ARHGAP26: variants seen among roughly 807,000 people sequenced by gnomAD.
ARHGAP26 encodes the protein Rho GTPase activating protein 26.
A neutral mutation model predicts 104.8 loss-of-function variants in ARHGAP26; 38 were observed. That is an observed-to-expected ratio of 0.36 (90% CI 0.28 to 0.48). The LOEUF (loss-of-function observed/expected upper bound fraction) is 0.48. Among genes scored for constraint, ARHGAP26 ranks in the 20% least tolerant of loss-of-function variants. ARHGAP26 has a pLI of 0.99. For missense variants in ARHGAP26, 704 were observed against 947.9 expected, an observed-to-expected ratio of 0.74 and a Z score of 3.38; for synonymous variants, 341 against 340.0, an observed-to-expected ratio of 1.00 and a Z score of -0.03.
chr5:142,964,032 A>T (rs1240070847), intron 11 of ARHGAP26, among the ~76,000 whole-genome samples: 1 of 152,226 alleles, frequency 6.6e-6, no homozygotes, highest in Non-Finnish European at 1.5e-5. Context: ...AGCAAAGCTG[A>T]AATTATGGTA....
chr5:143,107,430 T>C (rs1451426216), intron 17 of ARHGAP26, among the ~76,000 whole-genome samples: 4 of 152,172 alleles, frequency 2.6e-5, no homozygotes, highest in Non-Finnish European at 5.9e-5. Context: ...CATCATTCTG[T>C]CCTTGAAGTG....
intron 11 of ARHGAP26, among the ~76,000 whole-genome samples, chr5:142,939,884 A>G (rs1050095860): frequency 4.6e-5 from 7 of 152,180 alleles, no homozygotes; most frequent in Non-Finnish European, 7.3e-5. Context: ...AGTTCTTACT[A>G]TTGTCTTTTT....
chr5:143,054,542 T>G lies in ARHGAP26; in HGVS notation c.1373+16T>G, dbSNP rs1785515695. On this transcript the variant is annotated intron_variant, in intron 15 of 22. Coordinates refer to ENST00000645722, the MANE Select transcript of ARHGAP26 (RefSeq NM_001135608.3). ...CCTACCTAAGGTAGGGACTTTCCAT[T>G]TGCAAGGCAGAGTGCCAGCTAGTTA... is the stretch of plus-strand genomic sequence containing the variant. 2 of 1,575,020 alleles carry G rather than the reference T, an allele frequency of 1.3e-6. No homozygotes were observed. Among genetic ancestry groups the G allele is most frequent in the African/African-American group, 1.4e-5 (1 of 73,742 alleles).
intron 1 of ARHGAP26, among the ~76,000 whole-genome samples, chr5:142,780,639 A>C (rs759752496): frequency 2.0e-5 from 3 of 152,252 alleles, no homozygotes; most frequent in Admixed American, 2.0e-4. Context: ...AGCTGTACCT[A>C]GAAATCAGTT....
intron 11 of ARHGAP26, among the ~76,000 whole-genome samples, chr5:142,963,198 A>ATATATATATGTGTGTGTG (rs869247749): frequency 1.0e-5 from 1 of 98,356 alleles, no homozygotes; most frequent in East Asian, 9.3e-4. Flanking sequence ...ATATATATAT[A>ATATATATATGTGTGTGTG]TGTGTGTGTG....
At chr5:142,839,539 A>G (rs1426420485) in intron 1 of ARHGAP26, among the ~76,000 whole-genome samples, 1 of 152,084 alleles carries the variant, frequency 6.6e-6, no homozygotes, top group African/African-American at 2.4e-5. Context: ...TTGAAAGTTA[A>G]AGGATTTTTC....
intron 17 of ARHGAP26, among the ~76,000 whole-genome samples, chr5:143,119,002 G>A (rs1479653726): frequency 1.3e-5 from 2 of 151,122 alleles, no homozygotes; most frequent in Non-Finnish European, 2.9e-5. Context: ...GTTTACAGTC[G>A]TCATTATCAG....
intron 20 of ARHGAP26, among the ~76,000 whole-genome samples, chr5:143,185,010 T>C (rs113571413): frequency 0.03 from 4,538 of 152,200 alleles, 100 homozygotes; most frequent in Middle Eastern, 0.044. Context: ...TTTTTACCCC[T>C]GTATTATTTA....
At chr5:143,059,204 C>T (rs721473) in intron 17 of ARHGAP26, among the ~76,000 whole-genome samples, 150,231 of 152,254 alleles carry the variant, frequency 0.99, 74,126 homozygotes, top group African/African-American at 1. Flanking sequence ...TCCAGCCTAG[C>T]ATGTGTGGGG....
At chr5:142,951,491 G>A (rs1344431428) in intron 11 of ARHGAP26, among the ~76,000 whole-genome samples, 1 of 152,226 alleles carries the variant, frequency 6.6e-6, no homozygotes, top group East Asian at 1.9e-4. Context: ...ATTTGGAGTA[G>A]CAGAAGGAGG....
intron 20 of ARHGAP26, among the ~76,000 whole-genome samples, chr5:143,164,045 CTT>C (rs543247118): frequency 4.3e-5 from 6 of 140,394 alleles, no homozygotes; most frequent in East Asian, 4.1e-4. Context: ...TGTATTTGTT[CTT>C]TTTTTTTTTT....
At chr5:143,168,186 A>G (rs971674692) in intron 20 of ARHGAP26, among the ~76,000 whole-genome samples, 4 of 152,190 alleles carry the variant, frequency 2.6e-5, no homozygotes, top group Non-Finnish European at 4.4e-5. Context: ...AGCTGCTCAT[A>G]GTTAACTTTG....
At chr5:142,779,424 GGTGT>G (rs10550663) in intron 1 of ARHGAP26, among the ~76,000 whole-genome samples, 7 of 149,746 alleles carry the variant, frequency 4.7e-5, no homozygotes, top group African/African-American at 9.8e-5. Context: ...GGGTTAGGGT[GGTGT>G]GTGTGTGTGT....
At chr5:142,972,187 A>G (rs1008478558) in intron 11 of ARHGAP26, among the ~76,000 whole-genome samples, 27 of 152,080 alleles carry the variant, frequency 1.8e-4, no homozygotes, top group Non-Finnish European at 3.7e-4. Flanking sequence ...ATCTAAAAAA[A>G]AAAAAAAAGA....
At chr5:142,782,643 G>A (rs1020271959) in intron 1 of ARHGAP26, among the ~76,000 whole-genome samples, 2 of 152,182 alleles carry the variant, frequency 1.3e-5, no homozygotes, top group Admixed American at 6.5e-5. Flanking sequence ...ATGACTTGAT[G>A]TTTCATCCTG....
intron 12 of ARHGAP26, among the ~76,000 whole-genome samples, chr5:143,028,407 G>T (rs1047243879): frequency 1.3e-5 from 2 of 152,164 alleles, no homozygotes; most frequent in African/African-American, 4.8e-5. Context: ...ACACTCATTA[G>T]TGTGAAAACA....
At chr5:142,810,727 T>A (rs1363972096) in intron 1 of ARHGAP26, among the ~76,000 whole-genome samples, 1 of 152,258 alleles carries the variant, frequency 6.6e-6, no homozygotes, top group Admixed American at 6.5e-5. Context: ...TATTTCATTG[T>A]TGACCTAATA....
intron 10 of ARHGAP26, among the ~76,000 whole-genome samples, chr5:142,916,107 G>C (rs1762452275): frequency 6.6e-6 from 1 of 152,158 alleles, no homozygotes; most frequent in Non-Finnish European, 1.5e-5. Flanking sequence ...AATCGCATAA[G>C]GGTTTAAGGT....
chr5:142,926,300 T>C (rs1053301797), intron 10 of ARHGAP26, among the ~76,000 whole-genome samples: 3 of 152,150 alleles, frequency 2.0e-5, no homozygotes, highest in African/African-American at 7.2e-5. Flanking sequence ...GGTGCCAGCT[T>C]AGAGAAAATT....
Sources: gnomAD v4.1 joint callset for allele counts (sites outside exome capture counted in the v4.1 genomes callset) on GRCh38, gnomAD v4.1.1 for gene constraint, MANE v1.5 for transcripts, NCBI Gene and HGNC (gene_info 2026-07-23, HGNC 2026-07-21) for gene names.